The following PRR16 variants were observed in gnomAD, a reference collection of about 807,000 sequenced individuals.
The protein encoded by PRR16 is proline rich 16.
In PRR16, 6 loss-of-function variants were observed where a neutral mutation model predicts 18.2. That is an observed-to-expected ratio of 0.33 (90% CI 0.18 to 0.65). PRR16 has a LOEUF of 0.65. Ranked by LOEUF, PRR16 falls within the 30% of genes least tolerant of loss-of-function variation. The pLI is 0.74. For missense variants in PRR16, 412 were observed against 376.6 expected, an observed-to-expected ratio of 1.09 and a Z score of -0.78; for synonymous variants, 151 against 147.8, an observed-to-expected ratio of 1.02 and a Z score of -0.16.
At chr5:120,638,939 T>C (rs1755334694) in intron 1 of PRR16, among the ~76,000 whole-genome samples, 1 of 152,122 alleles carries the variant, frequency 6.6e-6, no homozygotes, top group Admixed American at 6.6e-5. Context: ...ATATTTTATA[T>C]GATTGAAGCC....
At chr5:120,735,391 T>C in the PRR16 span, among the ~76,000 whole-genome samples, 1 of 152,150 alleles carries the variant, frequency 6.6e-6, no homozygotes. Flanking sequence ...AGTGGGGATA[T>C]ATATATATCA....
chr5:120,536,164 G>T (rs1475003183), intron 1 of PRR16, among the ~76,000 whole-genome samples: 1 of 152,166 alleles, frequency 6.6e-6, no homozygotes, highest in Non-Finnish European at 1.5e-5. Flanking sequence ...GTTAGCAAAT[G>T]ACATTGTGTG....
At chr5:120,514,544 T>C (rs1750926465) in intron 1 of PRR16, among the ~76,000 whole-genome samples, 1 of 152,228 alleles carries the variant, frequency 6.6e-6, no homozygotes, top group African/African-American at 2.4e-5. Context: ...AGTAAGTACC[T>C]TGAATACTTT....
At chr5:120,562,259 T>G in intron 1 of PRR16, among the ~76,000 whole-genome samples, 1 of 152,288 alleles carries the variant, frequency 6.6e-6, no homozygotes, top group East Asian at 1.9e-4. Context: ...TAAATATTTT[T>G]TTCTTGAAAT....
chr5:120,709,898 T>A, the PRR16 span, among the ~76,000 whole-genome samples: 7 of 152,222 alleles, frequency 4.6e-5, no homozygotes, highest in African/African-American at 1.7e-4. Flanking sequence ...GGCACTTAGG[T>A]TGATTCCATA....
chr5:120,537,866 T>G (rs1236699641), intron 1 of PRR16, among the ~76,000 whole-genome samples: 1 of 140,234 alleles, frequency 7.1e-6, no homozygotes. Context: ...AAGCTCCGCC[T>G]CCCGGGTTCA....
intron 1 of PRR16, among the ~76,000 whole-genome samples, chr5:120,539,844 CT>C (rs984397404): frequency 6.7e-6 from 1 of 149,994 alleles, no homozygotes; most frequent in Admixed American, 6.6e-5. Context: ...GTTTTTTTTT[CT>C]TTTTTTTGGA....
intron 1 of PRR16, among the ~76,000 whole-genome samples, chr5:120,636,175 T>A (rs1292326537): frequency 6.6e-6 from 1 of 152,058 alleles, no homozygotes; most frequent in Non-Finnish European, 1.5e-5. Flanking sequence ...ATGGGTAGAA[T>A]CAATATTGTG....
the PRR16 span, among the ~76,000 whole-genome samples, chr5:120,749,991 T>C: frequency 6.6e-6 from 1 of 152,188 alleles, no homozygotes; most frequent in African/African-American, 2.4e-5. Flanking sequence ...TAATGAAGAT[T>C]AGAATATGTT....
chr5:120,761,060 G>A, the PRR16 span, among the ~76,000 whole-genome samples: 9 of 151,838 alleles, frequency 5.9e-5, no homozygotes, highest in Non-Finnish European at 1.0e-4. Context: ...AATATTAAGT[G>A]TTAACATTTC....
intron 1 of PRR16, among the ~76,000 whole-genome samples, chr5:120,573,991 C>T (rs956112148): frequency 6.6e-6 from 1 of 151,318 alleles, no homozygotes; most frequent in Non-Finnish European, 1.5e-5. Context: ...AAAAACATTA[C>T]AGAGTATAGA....
Position 120,686,061 on chromosome 5 carries a change from C to T in PRR16, c.267C>T (p.Ala89=). Residue 89 remains alanine (A), a synonymous_variant, in exon 2 of 2, where the codon GCC becomes GCT. Coordinates refer to ENST00000407149, the MANE Select transcript of PRR16 (RefSeq NM_001300783.2). ...TLNSSSSGTT[A]SSLEKIKVQA... ...ATAGTAGCTCAAGTGGCACAACAGCCTCCAGCCTAGAGAAGATCAAAGTGC... is the reference window on the plus strand; with the variant it reads ...ATAGTAGCTCAAGTGGCACAACAGCTTCCAGCCTAGAGAAGATCAAAGTGC... 6.2e-7 allele frequency: 1 copy of T among 1,614,104 alleles called. No homozygotes were observed. The highest frequency in any genetic ancestry group is 1.3e-5 in the African/African-American group (1 of 75,010).
chr5:120,550,294 T>C (rs1261842991), intron 1 of PRR16, among the ~76,000 whole-genome samples: 2 of 152,014 alleles, frequency 1.3e-5, no homozygotes, highest in African/African-American at 2.4e-5. Context: ...GTCTTAGTTT[T>C]TCAAAAAAAT....
At chr5:120,570,839 G>T (rs1312853777) in intron 1 of PRR16, among the ~76,000 whole-genome samples, 1 of 151,824 alleles carries the variant, frequency 6.6e-6, no homozygotes, top group Non-Finnish European at 1.5e-5. Flanking sequence ...AACAACTAAG[G>T]TTTAAATATA....
intron 1 of PRR16, among the ~76,000 whole-genome samples, chr5:120,669,932 G>T (rs1262551881): frequency 6.6e-6 from 1 of 151,792 alleles, no homozygotes; most frequent in Admixed American, 6.6e-5. Context: ...GATAAACAAC[G>T]GCGTTTATAT....
intron 1 of PRR16, among the ~76,000 whole-genome samples, chr5:120,564,638 G>C (rs937545082): frequency 6.6e-6 from 1 of 152,150 alleles, no homozygotes; most frequent in Non-Finnish European, 1.5e-5. Context: ...GGGGTGGAAA[G>C]GTGGTGTCAG....
At chr5:120,784,285 A>G in the PRR16 span, among the ~76,000 whole-genome samples, 8,175 of 152,188 alleles carry the variant, frequency 0.054, 495 homozygotes, top group African/African-American at 0.15. Context: ...GATTCTTCAT[A>G]CTATTTTTCA....
chr5:120,765,674 C>T, the PRR16 span, among the ~76,000 whole-genome samples: 32 of 152,058 alleles, frequency 2.1e-4, no homozygotes, highest in African/African-American at 7.5e-4. Flanking sequence ...GTTTACAACT[C>T]AATGAATTTT....
chr5:120,785,035 G>T, the PRR16 span, among the ~76,000 whole-genome samples: 1 of 152,142 alleles, frequency 6.6e-6, no homozygotes, highest in Non-Finnish European at 1.5e-5. Context: ...CAAATAAAAG[G>T]AATCTCTCCC....
Sources: gnomAD v4.1 joint callset for allele counts (sites outside exome capture counted in the v4.1 genomes callset) on GRCh38, gnomAD v4.1.1 for gene constraint, MANE v1.5 for transcripts, NCBI Gene and HGNC (gene_info 2026-07-23, HGNC 2026-07-21) for gene names.